Variants in LDLRAD4 observed in about 807,000 individuals in gnomAD.
LDLRAD4 encodes the protein low density lipoprotein receptor class A domain containing 4.
In LDLRAD4, 5 loss-of-function variants were observed where a neutral mutation model predicts 17.0. The ratio of observed to expected loss-of-function variants is 0.29; its 90% CI spans 0.15 to 0.62. LDLRAD4 has a LOEUF of 0.62. LDLRAD4 is among the 20% of genes least tolerant of loss of function. The pLI, the probability that LDLRAD4 is intolerant of heterozygous loss-of-function variation, is 0.84. For synonymous variants in LDLRAD4, 168 were observed against 171.8 expected (o/e 0.98, Z 0.17); for missense variants, 340 against 424.7 (o/e 0.80, Z 1.75).
intron 3 of LDLRAD4, chr18:13,611,580 C>G: frequency 1.0e-6 from 1 of 985,318 alleles, no homozygotes; most frequent in Non-Finnish European, 1.2e-6. Context: ...GAGAAAGCGC[C>G]CTCCTGAGAC....
intron 3 of LDLRAD4, among the ~76,000 whole-genome samples, chr18:13,584,793 C>G (rs1361876771): frequency 1.3e-5 from 2 of 152,154 alleles, no homozygotes; most frequent in Admixed American, 1.3e-4. Context: ...ACTGTAGAAC[C>G]AGGATAAACC....
intron 3 of LDLRAD4, among the ~76,000 whole-genome samples, chr18:13,585,844 T>C (rs7237832): frequency 0.013 from 2,046 of 152,292 alleles, 52 homozygotes; most frequent in African/African-American, 0.046. Flanking sequence ...TATTTCAATA[T>C]TGAACCAAGC....
At chr18:13,328,199 G>T (rs1368273968) in intron 1 of LDLRAD4, among the ~76,000 whole-genome samples, 1 of 152,232 alleles carries the variant, frequency 6.6e-6, no homozygotes, top group Non-Finnish European at 1.5e-5. Context: ...AGGAGGCTCA[G>T]TGAGGGTTCT....
At chr18:13,281,892 C>A (rs1289422244) in intron 1 of LDLRAD4, among the ~76,000 whole-genome samples, 1 of 152,230 alleles carries the variant, frequency 6.6e-6, no homozygotes, top group South Asian at 2.1e-4. Context: ...CGGATTCATG[C>A]TGCTGATAAA....
At chr18:13,521,364 T>G (rs1345140531) in intron 3 of LDLRAD4, 3 of 152,214 alleles carry the variant, frequency 2.0e-5, no homozygotes, top group African/African-American at 7.2e-5. Flanking sequence ...TTGCTACAGG[T>G]GTAAAAATCA....
At chr18:13,254,918 G>C (rs2043421513) in intron 1 of LDLRAD4, among the ~76,000 whole-genome samples, 1 of 152,152 alleles carries the variant, frequency 6.6e-6, no homozygotes, top group Non-Finnish European at 1.5e-5. Flanking sequence ...GAGCTGAGAT[G>C]GTTCCACTAC....
At chr18:13,311,775 ACAGGCTGAG>A (rs2047247190) in intron 1 of LDLRAD4, among the ~76,000 whole-genome samples, 1 of 152,002 alleles carries the variant, frequency 6.6e-6, no homozygotes, top group Admixed American at 6.6e-5. Context: ...AGGAATAGTT[ACAGGCTGAG>A]CATCACTAAG....
intron 3 of LDLRAD4, among the ~76,000 whole-genome samples, chr18:13,528,050 C>T (rs1168863783): frequency 6.6e-6 from 1 of 152,198 alleles, no homozygotes; most frequent in East Asian, 1.9e-4. Flanking sequence ...TGCCTTTCTA[C>T]CCAAAGTTGT....
intron 1 of LDLRAD4, among the ~76,000 whole-genome samples, chr18:13,353,112 A>G (rs929506280): frequency 3.3e-5 from 5 of 152,158 alleles, no homozygotes; most frequent in Admixed American, 3.3e-4. Flanking sequence ...ATGTTTCTTC[A>G]GGGATAGTTT....
chr18:13,503,393 G>A (rs1437709113), intron 3 of LDLRAD4, among the ~76,000 whole-genome samples: 1 of 152,204 alleles, frequency 6.6e-6, no homozygotes, highest in Non-Finnish European at 1.5e-5. Context: ...CCAGGTGCTT[G>A]AACAAACGGC....
chr18:13,610,337 G>T (rs2039426351), intron 3 of LDLRAD4, among the ~76,000 whole-genome samples: 1 of 125,986 alleles, frequency 7.9e-6, no homozygotes, highest in African/African-American at 3.0e-5. Flanking sequence ...GCCCAGGCTG[G>T]AGTGAAGTGG....
Position 13,652,633 on chromosome 18 carries a change from C to T in LDLRAD4, c.*6976C>T, listed in dbSNP as rs1049192439. On this transcript the variant is annotated 3_prime_UTR_variant, in exon 6 of 6. Coordinates refer to ENST00000359446, the Ensembl canonical transcript of LDLRAD4. ...AGACCTAAGGTCTGTAATTGCAATACTTTTAAAGAAAGATGTTGCTCTAAG... is the reference window on the plus strand; with the variant it reads ...AGACCTAAGGTCTGTAATTGCAATATTTTTAAAGAAAGATGTTGCTCTAAG... 4 of 152,626 alleles carry T rather than the reference C, an allele frequency of 2.6e-5. No individual in the cohort carries two copies. The East Asian group carries it at 5.8e-4, about 22-fold the overall frequency. 9.5% of individuals were successfully genotyped at this position (152,626 alleles called of 1,614,324 possible). A position where few individuals can be genotyped will look rare whatever the true frequency, so the allele number is the denominator to read the frequency against.
chr18:13,583,415 G>A (rs2094892136), intron 3 of LDLRAD4, among the ~76,000 whole-genome samples: 1 of 152,106 alleles, frequency 6.6e-6, no homozygotes, highest in Non-Finnish European at 1.5e-5. Context: ...CGAGACCTAG[G>A]GGAGGGACGT....
intron 3 of LDLRAD4, among the ~76,000 whole-genome samples, chr18:13,539,010 T>A (rs562238699): frequency 1.3e-5 from 2 of 152,254 alleles, no homozygotes; most frequent in African/African-American, 2.4e-5. Context: ...AATGAGAAAT[T>A]CAGTTTCCTT....
At chr18:13,294,076 T>TG (rs1197049820) in intron 1 of LDLRAD4, among the ~76,000 whole-genome samples, 2 of 152,224 alleles carry the variant, frequency 1.3e-5, no homozygotes, top group African/African-American at 4.8e-5. Flanking sequence ...TGCAGACGTG[T>TG]GAAAAATCAG....
chr18:13,242,699 A>G (rs1420138627), intron 1 of LDLRAD4, among the ~76,000 whole-genome samples: 2 of 152,212 alleles, frequency 1.3e-5, no homozygotes, highest in Non-Finnish European at 2.9e-5. Context: ...TGTTATATGG[A>G]TATATTGCCT....
chr18:13,254,224 G>T (rs1469980105), intron 1 of LDLRAD4, among the ~76,000 whole-genome samples: 1 of 152,250 alleles, frequency 6.6e-6, no homozygotes, highest in Non-Finnish European at 1.5e-5. Context: ...ACAGCCCGAG[G>T]CCCAGGGGAG....
At chr18:13,286,075 A>G (rs940774217) in intron 1 of LDLRAD4, among the ~76,000 whole-genome samples, 1 of 152,206 alleles carries the variant, frequency 6.6e-6, no homozygotes, top group Non-Finnish European at 1.5e-5. Flanking sequence ...CTGTGTACCC[A>G]TTAAACATTA....
intron 3 of LDLRAD4, chr18:13,561,626 G>C (rs1242704477): frequency 6.6e-6 from 1 of 152,184 alleles, no homozygotes; most frequent in Non-Finnish European, 1.5e-5. Flanking sequence ...GTTGGGAGAA[G>C]GCAAAGACGG....
Sources: gnomAD v4.1 joint callset for allele counts (sites outside exome capture counted in the v4.1 genomes callset) on GRCh38, gnomAD v4.1.1 for gene constraint, MANE v1.5 for transcripts, NCBI Gene and HGNC (gene_info 2026-07-23, HGNC 2026-07-21) for gene names.